The following ANKRD16 variants were observed in gnomAD, a reference collection of about 807,000 sequenced individuals.
ANKRD16 encodes ankyrin repeat domain-containing protein 16.
Under a neutral mutation model 37.9 loss-of-function variants are expected in ANKRD16, and 35 were observed. The observed-to-expected ratio is 0.92, with a 90% confidence interval of 0.71 to 1.23. ANKRD16 has a LOEUF of 1.23. ANKRD16 is among the 50% of genes most tolerant of loss of function. The probability of loss-of-function intolerance (pLI) is 0.00; values close to 1 mark genes in which losing one functional copy is unlikely to be tolerated. For synonymous variants in ANKRD16, 206 were observed against 197.2 expected, an observed-to-expected ratio of 1.04 and a Z score of -0.37; for missense variants, 480 against 469.9, an observed-to-expected ratio of 1.02 and a Z score of -0.20.
intron 6 of ANKRD16, among the ~76,000 whole-genome samples, chr10:5,879,014 G>A (rs9424023): frequency 0.83 from 125,654 of 152,100 alleles, 52,298 homozygotes; most frequent in Admixed American, 0.87. Context: ...CCCACTCTGG[G>A]TGCAGAAATC....
At chr10:5,882,204 C>T (rs1397105253) in intron 5 of ANKRD16, among the ~76,000 whole-genome samples, 4 of 152,158 alleles carry the variant, frequency 2.6e-5, no homozygotes, top group Non-Finnish European at 5.9e-5. Context: ...TGTATCTACC[C>T]AGCTGCTCGA....
At chr10:5,888,836 C>A (rs1312666723) in intron 1 of ANKRD16, among the ~76,000 whole-genome samples, 1 of 152,168 alleles carries the variant, frequency 6.6e-6, no homozygotes, top group East Asian at 1.9e-4. Flanking sequence ...ACCAGTTAAC[C>A]CACAAGGGCA....
chr10:5,863,024 T>G lies in ANKRD16; in HGVS notation c.*34-333A>C, dbSNP rs1231453166. On this transcript the variant is annotated intron_variant, in intron 7 of 7. Coordinates refer to ENST00000380094, the MANE Select transcript of ANKRD16 (RefSeq NM_019046.3). The surrounding 1 kb of genome is among the most constrained non-coding windows in gnomAD (Gnocchi z 4.7). ...CACCTACTGTCCCGGAGCAGCTGAC[T>G]GTGGTGGAGAAAACTGCAGGACAGG... 6.6e-6 allele frequency among the ~76,000 whole-genome samples: 1 copy of G among 152,146 alleles called. No homozygotes were observed. Among genetic ancestry groups the G allele is most frequent in the Non-Finnish European group, 1.5e-5 (1 of 68,044 alleles).
rs112092359 is a variant in ANKRD16, at chr10:5,882,222, A to G, written c.849+784T>C. 7.7e-3 allele frequency among the ~76,000 whole-genome samples: 1,178 copies of G among 152,258 alleles called. 14 individuals carry two copies. The highest frequency in any genetic ancestry group is 0.027 in the African/African-American group (1,128 of 41,554). ...ATCTACCCAGCTGCTCGAAAGCAGG[A>G]CATCAGGCAGGAAAATGTAATTGAT... On this transcript the variant is annotated intron_variant, in intron 5 of 7. Coordinates refer to ENST00000380094, the MANE Select transcript of ANKRD16 (RefSeq NM_019046.3).
chr10:5,878,391 C>A lies in ANKRD16; in HGVS notation c.929-104G>T. ...ATAAAAATATCAATTCTTTCAATAT[C>A]TTCCGTAATCCATCTTCACAACTTC... is the stretch of plus-strand genomic sequence containing the variant. On this transcript the variant is annotated intron_variant, in intron 6 of 7. Coordinates refer to ENST00000380094, the MANE Select transcript of ANKRD16 (RefSeq NM_019046.3). The surrounding 1 kb of genome is among the most constrained non-coding windows in gnomAD (Gnocchi z 5.1). 9.5e-7 allele frequency: 1 copy of A among 1,051,534 alleles called. No individual in the cohort carries two copies. The highest frequency in any genetic ancestry group is 1.3e-6 in the Non-Finnish European group (1 of 745,966). 65.1% of individuals were successfully genotyped at this position (1,051,534 alleles called of 1,614,324 possible).
Position 5,869,198 on chromosome 10 carries a change from G to A in ANKRD16, c.*34-6507C>T, listed in dbSNP as rs1307840239. On this transcript the variant is annotated intron_variant, in intron 7 of 7. Transcript: ENST00000380094. This position sits in a 1 kb window ranked among gnomAD's most constrained non-coding sequence, Gnocchi z 4.0. The stretch of plus-strand genomic sequence containing the variant: ...CAAAAGATTAGATACCCTGCTTTTG[G>A]AGGCGAGGGATGTGTTTATTGCCTT... Among the ~76,000 whole-genome samples the A allele has an allele frequency of 6.6e-6, 1 of 152,080 alleles. No individual in the cohort carries two copies. The highest frequency in any genetic ancestry group is 1.5e-5 in the Non-Finnish European group (1 of 68,038).
rs375597526 is a variant in ANKRD16, at chr10:5,889,063, C to G, written c.292G>C (p.Asp98His). ...RYLLGRGAAV[D>H]CLKKADWTPL... is the part of the protein sequence containing the mutation. ...TACCAGTCGGCCTTCTTCAGGCAGT[C>G]GACCGCTGCCCCCCGGCCCAGCAGG... The change falls in exon 1 of 8, where the codon GAC becomes CAC. Residue 98 changes from aspartate (D) to histidine (H), a missense_variant. Transcript: ENST00000380094. The G allele has an allele frequency of 6.4e-7, 1 of 1,554,874 alleles. No individual in the cohort carries two copies. The highest frequency in any genetic ancestry group is 2.3e-5 in the East Asian group (1 of 43,428).
In ANKRD16 at chr10:5,878,665, G is replaced by A. The variant is rs1257148066; in HGVS notation, c.929-378C>T. On this transcript the variant is annotated intron_variant, in intron 6 of 7. Coordinates refer to ENST00000380094, the MANE Select transcript of ANKRD16 (RefSeq NM_019046.3). This position sits in a 1 kb window ranked among gnomAD's most constrained non-coding sequence, Gnocchi z 5.1. Reference sequence around the variant, plus strand: ...ATTAAAAAATTAGCCGGGCGTGGTGGTGCATGCCTGTAATCCCAGCTACTC... The same window carrying A: ...ATTAAAAAATTAGCCGGGCGTGGTGATGCATGCCTGTAATCCCAGCTACTC... 6.6e-6 allele frequency among the ~76,000 whole-genome samples: 1 copy of A among 151,980 alleles called. No individual in the cohort carries two copies. Among genetic ancestry groups the A allele is most frequent in the Non-Finnish European group, 1.5e-5 (1 of 67,998 alleles).
At chr10:5,885,873 A>G in intron 2 of ANKRD16, 108 bp from the exon 3 acceptor site, 1 of 1,104,748 alleles carries the variant, frequency 9.1e-7, no homozygotes, top group Non-Finnish European at 1.3e-6. Context: ...ATAGCTTACA[A>G]GAAGGAGTCA....
At chr10:5,888,992 G>A (rs751493144) in intron 1 of ANKRD16, 49 bp downstream of exon 1, 3 of 1,471,100 alleles carry the variant, frequency 2.0e-6, no homozygotes, top group South Asian at 1.3e-5. Flanking sequence ...AACTCGCTAC[G>A]ACTCTGCGAG....
At position 5,871,302 on chromosome 10, in the gene ANKRD16, G is replaced by A. The variant is rs1479784814; in HGVS notation, c.*33+6795C>T. ...CTCAGGAGGCTGAGGCAGGAGAATCGCTTGAACCCGGGAGGCAGAGGTTGC... is the reference window on the plus strand; with the variant it reads ...CTCAGGAGGCTGAGGCAGGAGAATCACTTGAACCCGGGAGGCAGAGGTTGC... On this transcript the variant is annotated intron_variant, in intron 7 of 7. Transcript: ENST00000380094. This position sits in a 1 kb window ranked among gnomAD's most constrained non-coding sequence, Gnocchi z 4.5. Among the ~76,000 whole-genome samples, 1 of 152,062 alleles carries A rather than the reference G, an allele frequency of 6.6e-6. No individual in the cohort carries two copies. Among genetic ancestry groups the A allele is most frequent in the Non-Finnish European group, 1.5e-5 (1 of 68,026 alleles).
rs1220290889 is a variant in ANKRD16 at position 5,863,347 on chromosome 10, G to A, written c.*34-656C>T. 6.6e-6 allele frequency among the ~76,000 whole-genome samples: 1 copy of A among 151,996 alleles called. No homozygotes were observed. The highest frequency in any genetic ancestry group is 2.4e-5 in the African/African-American group (1 of 41,340). On this transcript the variant is annotated intron_variant, in intron 7 of 7. Transcript: ENST00000380094. This position sits in a 1 kb window ranked among gnomAD's most constrained non-coding sequence, Gnocchi z 4.7. ...CTCATATTAAAGGTTCATACTGAGA[G>A]GTGAAGCCAGCTGGACTTCCTGGGT...
chr10:5,883,104 G>A lies in ANKRD16; in HGVS notation c.751C>T (p.Gln251Ter). 6.2e-7 allele frequency: 1 copy of A among 1,614,080 alleles called. No homozygotes were observed. The highest frequency in any genetic ancestry group is 1.1e-5 in the South Asian group (1 of 91,078). The part of the protein sequence containing the change: ...QALHRAAVTG[Q>*]DEAIRFLVSE... ...ACCAAGAATCGGATGGCTTCGTCCT[G>A]CCCTGTGACAGCTGCCCTGTGCAGA... is the stretch of plus-strand genomic sequence containing the variant. Residue 251 changes from glutamine to a stop codon, truncating the protein, a stop_gained, in exon 5 of 8, where the codon CAG becomes TAG. Coordinates refer to ENST00000380094, the MANE Select transcript of ANKRD16 (RefSeq NM_019046.3). LOFTEE classifies it high-confidence loss of function.
Position 5,887,888 on chromosome 10 carries a change from T to C in ANKRD16, c.494A>G (p.Lys165Arg), listed in dbSNP as rs775065911. The C allele has an allele frequency of 6.2e-7, 1 of 1,614,052 alleles. No homozygotes were observed. ...AGTCCTTCTAATTTTGCTCTCTGTC[T>C]TCCAGGCACCTGGGCAAACAGTGAG... ...YLLTVCPGAW[K>R]TESKIRRTPL... The change falls in exon 2 of 8, where the codon AAG becomes AGG. Residue 165 changes from lysine (K) to arginine (R), a missense_variant. Lys to Arg is a conservative substitution (Grantham distance 26). Transcript: ENST00000380094.
Position 5,878,066 on chromosome 10 carries a change from T to G in ANKRD16, c.*33+31A>C. The G allele has an allele frequency of 6.4e-7, 1 of 1,557,446 alleles. No individual in the cohort carries two copies. Among genetic ancestry groups the G allele is most frequent in the Non-Finnish European group, 8.7e-7 (1 of 1,150,412 alleles). On this transcript the variant is annotated intron_variant, in intron 7 of 7. Coordinates refer to ENST00000380094, the MANE Select transcript of ANKRD16 (RefSeq NM_019046.3). This position sits in a 1 kb window ranked among gnomAD's most constrained non-coding sequence, Gnocchi z 5.1. ...CTTCCAACTGGTTTCGCTGAATCTG[T>G]GACTGACTTAAGAAGCAGGATATGA...
chr10:5,883,143 G>A lies in ANKRD16; in HGVS notation c.712C>T (p.Leu238=). Residue 238 remains leucine (L), a synonymous_variant, in exon 5 of 8, where the codon CTG becomes TTG. Transcript: ENST00000380094. ...HGACLSAEDS[L]GAQALHRAAV... is the part of the protein sequence containing the mutation. Reference sequence around the variant, plus strand: ...GCCCTGTGCAGAGCCTGGGCACCCAGGCTGTCTTCTGCTGAAAGGCAAGCC... The same window carrying A: ...GCCCTGTGCAGAGCCTGGGCACCCAAGCTGTCTTCTGCTGAAAGGCAAGCC... The A allele has an allele frequency of 6.2e-7, 1 of 1,613,916 alleles. No homozygotes were observed. The highest frequency in any genetic ancestry group is 8.5e-7 in the Non-Finnish European group (1 of 1,180,018).
intron 7 of ANKRD16, among the ~76,000 whole-genome samples, chr10:5,873,200 T>A (rs1842131847): frequency 6.6e-6 from 1 of 152,002 alleles, no homozygotes; most frequent in South Asian, 2.1e-4. Flanking sequence ...CAGCTAACTT[T>A]TTTGTATTTT....
In ANKRD16 at chr10:5,869,752, A is replaced by G. The variant is rs1406116863; in HGVS notation, c.*34-7061T>C. Among the ~76,000 whole-genome samples the G allele has an allele frequency of 4.3e-5, 4 of 93,176 alleles. No individual in the cohort carries two copies. Among genetic ancestry groups the G allele is most frequent in the African/African-American group, 1.6e-4 (4 of 24,402 alleles). The allele number at this position is 93,176 out of a possible 152,430, so 61.1% of individuals were successfully genotyped here. A position where few individuals can be genotyped will look rare whatever the true frequency, so the allele number is the denominator to read the frequency against. On this transcript the variant is annotated intron_variant, in intron 7 of 7. Coordinates refer to ENST00000380094, the MANE Select transcript of ANKRD16 (RefSeq NM_019046.3). This position sits in a 1 kb window ranked among gnomAD's most constrained non-coding sequence, Gnocchi z 4.0. ...TGGCCGCCCCTGGGAACTAGCTGGA[A>G]GCAGCTGGGGGTTGCTGGGGGGAGG...
In ANKRD16 at chr10:5,878,304, A is replaced by G; in HGVS notation, c.929-17T>C. The G allele has an allele frequency of 6.2e-7, 1 of 1,608,936 alleles. No homozygotes were observed. Among genetic ancestry groups the G allele is most frequent in the Non-Finnish European group, 8.5e-7 (1 of 1,177,694 alleles). The stretch of plus-strand genomic sequence containing the variant: ...GATGCAGGGCTGAGGGGTGACAAAA[A>G]TCACATGGACTTAAAACACAATCCC... On this transcript the variant is annotated splice_polypyrimidine_tract_variant and intron_variant, in intron 6 of 7. Transcript: ENST00000380094. The surrounding 1 kb of genome is among the most constrained non-coding windows in gnomAD (Gnocchi z 5.1).
Sources: gnomAD v4.1 joint callset for allele counts (sites outside exome capture counted in the v4.1 genomes callset) on GRCh38, gnomAD v4.1.1 for gene constraint, Gnocchi (gnomAD v3.1) non-coding constraint, MANE v1.5 for transcripts, NCBI Gene and HGNC (gene_info 2026-07-23, HGNC 2026-07-21) for gene names.